The following MYO1E variants were observed in gnomAD, a reference collection of about 807,000 sequenced individuals.
MYO1E encodes unconventional myosin-Ie.
MYO1E carries 68 observed loss-of-function variants against 151.1 expected under a neutral mutation model. The ratio of observed to expected loss-of-function variants is 0.45; its 90% CI spans 0.37 to 0.55. The LOEUF is 0.55. Among genes scored for constraint, MYO1E ranks in the 20% least tolerant of loss-of-function variants. The pLI, the probability that MYO1E is intolerant of heterozygous loss-of-function variation, is 0.00. For synonymous variants in MYO1E, 601 were observed against 501.7 expected, an observed-to-expected ratio of 1.20 and a Z score of -2.64; for missense variants, 1,363 against 1,389.3, an observed-to-expected ratio of 0.98 and a Z score of 0.30.
At chr15:59,362,156 T>A (rs1388432894) in intron 1 of MYO1E, among the ~76,000 whole-genome samples, 2 of 152,168 alleles carry the variant, frequency 1.3e-5, no homozygotes, top group Non-Finnish European at 2.9e-5. Flanking sequence ...TAAAATAATA[T>A]CCACACAAAT....
In MYO1E at chr15:59,261,722, C is replaced by T. The variant is rs112527000; in HGVS notation, c.148-213G>A. On this transcript the variant is annotated intron_variant, in intron 2 of 27. Transcript: ENST00000288235. The stretch of plus-strand genomic sequence containing the variant: ...GGAAGAGTAATAAATTACCAAGGTG[C>T]TACAAAATGAAATCATTATTTTAAA... 9.5e-3 allele frequency among the ~76,000 whole-genome samples: 1,441 copies of T among 152,190 alleles called. 26 individuals carry two copies. Among genetic ancestry groups the T allele is most frequent in the African/African-American group, 0.033 (1,356 of 41,520 alleles).
chr15:59,308,108 A>G (rs1431156294), intron 1 of MYO1E, among the ~76,000 whole-genome samples: 2 of 150,558 alleles, frequency 1.3e-5, no homozygotes, highest in Admixed American at 1.3e-4. Flanking sequence ...CTGTAGTCCC[A>G]GCTACTCGGG....
intron 3 of MYO1E, among the ~76,000 whole-genome samples, chr15:59,258,960 TTTTGTTTTTG>T: frequency 6.6e-6 from 1 of 152,048 alleles, no homozygotes; most frequent in South Asian, 2.1e-4. Flanking sequence ...TCTTGTTTTT[TTTTGTTTTTG>T]TTTTTAAATA....
chr15:59,149,692 A>T (rs1472144717), intron 26 of MYO1E, among the ~76,000 whole-genome samples: 1 of 152,250 alleles, frequency 6.6e-6, no homozygotes, highest in Non-Finnish European at 1.5e-5. Flanking sequence ...GATTTTATCC[A>T]TATTACATGA....
intron 1 of MYO1E, among the ~76,000 whole-genome samples, chr15:59,280,312 T>C (rs1292265571): frequency 6.6e-6 from 1 of 152,234 alleles, no homozygotes; most frequent in Non-Finnish European, 1.5e-5. Flanking sequence ...TTTCACATTT[T>C]CACATTTTGA....
intron 1 of MYO1E, among the ~76,000 whole-genome samples, chr15:59,283,670 CT>C (rs1468455852): frequency 1.3e-5 from 2 of 152,218 alleles, no homozygotes; most frequent in Non-Finnish European, 2.9e-5. Context: ...TTACATATAA[CT>C]TATCTAATCC....
intron 1 of MYO1E, among the ~76,000 whole-genome samples, chr15:59,360,752 G>A (rs762775628): frequency 2.6e-5 from 4 of 152,170 alleles, no homozygotes; most frequent in Non-Finnish European, 5.9e-5. Context: ...GCAGCAGACA[G>A]AGCAGGAGCC....
chr15:59,172,706 T>C (rs2079602717), intron 21 of MYO1E, among the ~76,000 whole-genome samples: 1 of 152,238 alleles, frequency 6.6e-6, no homozygotes, highest in Non-Finnish European at 1.5e-5. Context: ...GGGGGCAGTG[T>C]CTGCATATAT....
chr15:59,185,598 G>C (rs551202515), intron 18 of MYO1E, among the ~76,000 whole-genome samples: 4 of 152,332 alleles, frequency 2.6e-5, no homozygotes, highest in Non-Finnish European at 5.9e-5. Context: ...TTTTGGGGTC[G>C]GGCATGGTAG....
chr15:59,205,200 G>A (rs1305856917), intron 15 of MYO1E, among the ~76,000 whole-genome samples, 200 bp downstream of exon 15: 1 of 152,090 alleles, frequency 6.6e-6, no homozygotes, highest in Non-Finnish European at 1.5e-5. Flanking sequence ...TTGCCTGGCT[G>A]GAGGGCAGTG....
chr15:59,268,718 G>GTCTTTTTTTTTTTTTTTTT (rs1452818863), intron 2 of MYO1E, among the ~76,000 whole-genome samples: 1 of 12,044 alleles, frequency 8.3e-5, no homozygotes, highest in Non-Finnish European at 4.1e-4. Context: ...GGTGACTTTG[G>GTCTTTTTTTTTTTTTTTTT]TATTTTTTTT....
intron 23 of MYO1E, 46 bp from the exon 24 acceptor site, chr15:59,161,276 A>G (rs1475138231): frequency 1.1e-5 from 18 of 1,599,084 alleles, no homozygotes; most frequent in African/African-American, 2.7e-5. Context: ...ACGCAGTGAG[A>G]AAACGGTGCT....
At chr15:59,140,898 C>T (rs1423148650) in intron 26 of MYO1E, among the ~76,000 whole-genome samples, 2 of 152,188 alleles carry the variant, frequency 1.3e-5, no homozygotes, top group Admixed American at 6.5e-5. Flanking sequence ...CCCCCCTGCA[C>T]TTTTCTCTTA....
chr15:59,332,602 T>C (rs1425234372), intron 1 of MYO1E, among the ~76,000 whole-genome samples: 3 of 152,220 alleles, frequency 2.0e-5, no homozygotes, highest in African/African-American at 7.2e-5. Flanking sequence ...GGATTGTCAG[T>C]GATGTGTCTG....
intron 1 of MYO1E, among the ~76,000 whole-genome samples, chr15:59,302,573 G>A (rs1287656433): frequency 6.6e-6 from 1 of 152,174 alleles, no homozygotes; most frequent in African/African-American, 2.4e-5. Flanking sequence ...GATTTCACAT[G>A]TCGTCTTGAC....
At chr15:59,172,422 G>C (rs1321288620) in intron 21 of MYO1E, among the ~76,000 whole-genome samples, 1 of 152,234 alleles carries the variant, frequency 6.6e-6, no homozygotes, top group Admixed American at 6.5e-5. Flanking sequence ...GCTGTTACCA[G>C]GACAGGGGGA....
At chr15:59,297,437 ATTTTT>A (rs755470049) in intron 1 of MYO1E, among the ~76,000 whole-genome samples, 14 of 63,488 alleles carry the variant, frequency 2.2e-4, no homozygotes, top group East Asian at 1.7e-3. Flanking sequence ...CACCCAGCTA[ATTTTT>A]TTTTTTTTTT....
intron 16 of MYO1E, 94 bp downstream of exon 16, chr15:59,202,232 C>T (rs2079806480): frequency 1.9e-6 from 2 of 1,077,338 alleles, no homozygotes; most frequent in Admixed American, 1.7e-5. Flanking sequence ...CCTCACGTCT[C>T]ACTGACCTCA....
rs145364821 is a variant in MYO1E, at chr15:59,249,102, G to A, written c.332+7182C>T. Among the ~76,000 whole-genome samples, 169 of 152,220 alleles carry A rather than the reference G, an allele frequency of 1.1e-3. 2 individuals carry two copies. In the East Asian group the frequency reaches 0.029, roughly 26 times the overall value. ...AGCCCTGTGCTTGAGAAAGCAGCAC[G>A]TCTCCTTCCTTGATTTATTTCTTTC... On this transcript the variant is annotated intron_variant, in intron 4 of 27. Coordinates refer to ENST00000288235, the MANE Select transcript of MYO1E (RefSeq NM_004998.4).
Sources: allele counts gnomAD v4.1 joint callset (sites outside exome capture counted in the v4.1 genomes callset), GRCh38; gene constraint gnomAD v4.1.1; transcripts MANE v1.5; gene names NCBI Gene and HGNC (gene_info 2026-07-23, HGNC 2026-07-21).